The following CLYBL variants were observed in gnomAD, a reference collection of about 807,000 sequenced individuals.
CLYBL encodes citramalyl-CoA lyase, mitochondrial.
Under a neutral mutation model 38.9 loss-of-function variants are expected in CLYBL, and 31 were observed. The ratio of observed to expected loss-of-function variants is 0.80; its 90% CI spans 0.60 to 1.08. The LOEUF (loss-of-function observed/expected upper bound fraction) is 1.08. Among genes scored for constraint, CLYBL ranks in the 50% least tolerant of loss-of-function variants. The pLI, the probability that CLYBL is intolerant of heterozygous loss-of-function variation, is 0.00. For synonymous variants in CLYBL, 171 were observed against 158.6 expected, an observed-to-expected ratio of 1.08 and a Z score of -0.59; for missense variants, 434 against 411.6, an observed-to-expected ratio of 1.05 and a Z score of -0.47.
In CLYBL at chr13:99,760,697, G is replaced by A. The variant is rs570280935; in HGVS notation, c.63-12127G>A. On this transcript the variant is annotated intron_variant, in intron 1 of 8. Transcript: ENST00000339105. Reference sequence around the variant, plus strand: ...TTACTGAAGATACCTTGTATGTGATGATTTGTATCTCTCTTGCTATTTTGA... The same window carrying A: ...TTACTGAAGATACCTTGTATGTGATAATTTGTATCTCTCTTGCTATTTTGA... Among the ~76,000 whole-genome samples the A allele has an allele frequency of 1.3e-3, 199 of 152,298 alleles. 1 individual carries two copies. The highest frequency in any genetic ancestry group is 4.6e-3 in the African/African-American group (191 of 41,566).
intron 6 of CLYBL, among the ~76,000 whole-genome samples, chr13:99,868,097 A>AG (rs1555321910): frequency 2.6e-5 from 4 of 152,062 alleles, no homozygotes; most frequent in East Asian, 1.9e-4. Flanking sequence ...CTAAAAAAAA[A>AG]GGGGGGAAGC....
chr13:99,808,637 A>G (rs2050278959), intron 2 of CLYBL, among the ~76,000 whole-genome samples: 1 of 152,236 alleles, frequency 6.6e-6, no homozygotes, highest in Admixed American at 6.5e-5. Context: ...AAAGTCGTAA[A>G]TGGTGCCAAT....
intron 1 of CLYBL, among the ~76,000 whole-genome samples, chr13:99,635,735 G>A (rs923655904): frequency 1.3e-5 from 2 of 152,148 alleles, no homozygotes; most frequent in African/African-American, 2.4e-5. Flanking sequence ...GTTTGGAGTT[G>A]GACAGATTTG....
intron 2 of CLYBL, among the ~76,000 whole-genome samples, chr13:99,800,904 AAAC>A: frequency 7.5e-6 from 1 of 133,240 alleles, no homozygotes; most frequent in East Asian, 2.1e-4. Context: ...CAAAAAAAAA[AAAC>A]AAAAAAAAAA....
At chr13:99,705,180 A>C (rs1266412637) in intron 1 of CLYBL, among the ~76,000 whole-genome samples, 2 of 152,228 alleles carry the variant, frequency 1.3e-5, no homozygotes, top group African/African-American at 4.8e-5. Flanking sequence ...GATAGCCAAA[A>C]GATGGAAGCA....
At chr13:99,663,944 T>G (rs2047444404) in intron 1 of CLYBL, among the ~76,000 whole-genome samples, 1 of 152,376 alleles carries the variant, frequency 6.6e-6, no homozygotes, top group East Asian at 1.9e-4. Flanking sequence ...TTAATGAAAC[T>G]TTAACAATCA....
chr13:99,891,048 T>C (rs1414521816), intron 7 of CLYBL, among the ~76,000 whole-genome samples: 1 of 152,176 alleles, frequency 6.6e-6, no homozygotes, highest in Non-Finnish European at 1.5e-5. Flanking sequence ...TTCTGCTTGA[T>C]TTCAAGAGTT....
chr13:99,782,564 A>G (rs2049682278), intron 2 of CLYBL, among the ~76,000 whole-genome samples: 1 of 152,172 alleles, frequency 6.6e-6, no homozygotes, highest in Non-Finnish European at 1.5e-5. Flanking sequence ...GTTTTGGAAC[A>G]GTTGACTATG....
intron 2 of CLYBL, among the ~76,000 whole-genome samples, chr13:99,795,168 T>C (rs927376997): frequency 3.3e-5 from 5 of 152,174 alleles, no homozygotes; most frequent in Non-Finnish European, 7.3e-5. Flanking sequence ...CCTGCCCTTC[T>C]ACTAAAAATG....
intron 1 of CLYBL, among the ~76,000 whole-genome samples, chr13:99,619,299 C>G (rs1221329305): frequency 3.3e-5 from 5 of 152,152 alleles, no homozygotes; most frequent in Non-Finnish European, 7.3e-5. Context: ...TGTGAGGACA[C>G]AGCAATAAGG....
At chr13:99,765,320 T>C (rs985193036) in intron 1 of CLYBL, among the ~76,000 whole-genome samples, 1 of 152,220 alleles carries the variant, frequency 6.6e-6, no homozygotes, top group Non-Finnish European at 1.5e-5. Flanking sequence ...TTGCTGATTT[T>C]CTCTTGCTGC....
chr13:99,679,590 A>G (rs1053885030), intron 1 of CLYBL, among the ~76,000 whole-genome samples: 13 of 152,114 alleles, frequency 8.5e-5, no homozygotes, highest in Non-Finnish European at 1.6e-4. Context: ...TCAGATGGTG[A>G]TCTGAGTAAT....
rs865840508 is a variant in CLYBL at position 99,606,705 on chromosome 13, C to T, written c.10C>T (p.Arg4Cys). MAL[R>C]LLRRAARGAA... ...CGCGCGCGTCGGGAAGATGGCGCTA[C>T]GTCTGCTGCGGAGGGCGGCGCGCGG... The change falls in exon 1 of 9, where the codon CGT becomes TGT. Residue 4 changes from arginine to cysteine, a missense_variant. Transcript: ENST00000339105. The T allele has an allele frequency of 1.2e-5, 18 of 1,492,428 alleles. No homozygotes were observed. The highest frequency in any genetic ancestry group is 2.2e-4 in the Middle Eastern group (1 of 4,502). 92.4% of individuals were successfully genotyped at this position (1,492,428 alleles called of 1,614,324 possible).
At chr13:99,763,548 C>CTTTTTTT (rs59409196) in intron 1 of CLYBL, among the ~76,000 whole-genome samples, 2 of 116,168 alleles carry the variant, frequency 1.7e-5, no homozygotes, top group Non-Finnish European at 3.5e-5. Context: ...TCTTTTTATT[C>CTTTTTTT]TTTTTTTTTT....
At chr13:99,799,377 T>TCACACACACACA (rs142411916) in intron 2 of CLYBL, among the ~76,000 whole-genome samples, 52,888 of 149,980 alleles carry the variant, frequency 0.35, 9,597 homozygotes, top group Middle Eastern at 0.47. Flanking sequence ...ATACACACAT[T>TCACACACACACA]CACACACACA....
rs796468890 is a variant in CLYBL at position 99,735,495 on chromosome 13, A to AT, written c.63-37316dup. Among the ~76,000 whole-genome samples, 546 of 144,106 alleles carry AT rather than the reference A, an allele frequency of 3.8e-3. 3 individuals are homozygous for AT. Among genetic ancestry groups the AT allele is most frequent in the African/African-American group, 0.011 (448 of 39,554 alleles). 94.5% of individuals were successfully genotyped at this position (144,106 alleles called of 152,430 possible). A position where few individuals can be genotyped will look rare whatever the true frequency, so the allele number is the denominator to read the frequency against. On this transcript the variant is annotated intron_variant, in intron 1 of 8. Coordinates refer to ENST00000339105, the MANE Select transcript of CLYBL (RefSeq NM_206808.5). ...ATAGGTGTGAGCCACCACACCCAGC[A>AT]TTTTTTTTTTTTTAAGAGTGAAGTT...
intron 1 of CLYBL, among the ~76,000 whole-genome samples, chr13:99,638,939 C>T (rs1047107031): frequency 6.6e-6 from 1 of 152,172 alleles, no homozygotes; most frequent in Non-Finnish European, 1.5e-5. Context: ...AGGGGCTGAG[C>T]TGGGATCGCA....
At chr13:99,657,776 G>GACTT (rs2047349696) in intron 1 of CLYBL, among the ~76,000 whole-genome samples, 1 of 152,176 alleles carries the variant, frequency 6.6e-6, no homozygotes, top group Admixed American at 6.5e-5. Context: ...ACTCTAAAGA[G>GACTT]ACTTAGCTGC....
At chr13:99,736,181 A>T (rs565292017) in intron 1 of CLYBL, among the ~76,000 whole-genome samples, 1 of 149,538 alleles carries the variant, frequency 6.7e-6, no homozygotes, top group East Asian at 2.0e-4. Flanking sequence ...AGCAGTTGGG[A>T]TTACAGGCAC....
Sources: gnomAD v4.1 joint callset for allele counts (sites outside exome capture counted in the v4.1 genomes callset) on GRCh38, gnomAD v4.1.1 for gene constraint, MANE v1.5 for transcripts, NCBI Gene and HGNC (gene_info 2026-07-23, HGNC 2026-07-21) for gene names.